The following PRORP variants were observed in gnomAD, a reference collection of about 807,000 sequenced individuals.
PRORP encodes the protein mitochondrial ribonuclease P catalytic subunit.
PRORP carries 51 observed loss-of-function variants against 59.4 expected under a neutral mutation model. That is an observed-to-expected ratio of 0.86 (90% CI 0.69 to 1.08). PRORP has a LOEUF of 1.08. PRORP is among the 50% of genes least tolerant of loss of function. The pLI is 0.00. For missense variants in PRORP, 646 were observed against 690.3 expected, an observed-to-expected ratio of 0.94 and a Z score of 0.72; for synonymous variants, 231 against 245.6, an observed-to-expected ratio of 0.94 and a Z score of 0.55.
chr14:35,136,554 A>G (rs568542123), intron 4 of PRORP, among the ~76,000 whole-genome samples: 2 of 144,844 alleles, frequency 1.4e-5, no homozygotes, highest in South Asian at 2.3e-4. Flanking sequence ...TTGTATTTTT[A>G]GTAGAGACGG....
chr14:35,250,502 G>T (rs57856432), intron 5 of PRORP, among the ~76,000 whole-genome samples: 51,798 of 152,036 alleles, frequency 0.34, 10,445 homozygotes, highest in East Asian at 0.69. Context: ...ATCAGAAGCT[G>T]CCAGGGAATG....
Position 35,127,507 on chromosome 14 carries a change from A to C in PRORP, c.1063A>C (p.Ile355Leu), listed in dbSNP as rs747397398. Residue 355 changes from isoleucine (I) to leucine (L), a missense_variant, in exon 4 of 8, where the codon ATA becomes CTA. Ile to Leu is a conservative substitution (Grantham distance 5, BLOSUM62 2). Transcript: ENST00000534898. ...CCAGTGTTCGGGCTGTGGAAAAACCATAGAGTCTATTCAGCTGAGTCCAGA... is the reference window on the plus strand; with the variant it reads ...CCAGTGTTCGGGCTGTGGAAAAACCCTAGAGTCTATTCAGCTGAGTCCAGA... Reference protein sequence around the residue: ...SGQCSGCGKTIESIQLSPEEY... With the variant: ...SGQCSGCGKTLESIQLSPEEY... 6.2e-7 allele frequency: 1 copy of C among 1,611,870 alleles called. No homozygotes were observed. Among genetic ancestry groups the C allele is most frequent in the South Asian group, 1.1e-5 (1 of 90,822 alleles).
chr14:35,214,400 C>T (rs547761975), intron 5 of PRORP, among the ~76,000 whole-genome samples: 6 of 152,182 alleles, frequency 3.9e-5, no homozygotes, highest in African/African-American at 1.4e-4. Flanking sequence ...TCTCATATTA[C>T]GATTTTGTTT....
At chr14:35,179,001 G>C (rs1402160406) in intron 4 of PRORP, among the ~76,000 whole-genome samples, 1 of 152,130 alleles carries the variant, frequency 6.6e-6, no homozygotes, top group Non-Finnish European at 1.5e-5. Context: ...CACTTATGAA[G>C]CTTAGTTTGG....
intron 5 of PRORP, among the ~76,000 whole-genome samples, chr14:35,259,993 G>T (rs939856435): frequency 7.4e-5 from 6 of 81,304 alleles, no homozygotes; most frequent in East Asian, 4.2e-4. Flanking sequence ...GGTTTTTCGG[G>T]TTTTTTTTTT....
At chr14:35,139,146 A>C (rs1466047939) in intron 4 of PRORP, among the ~76,000 whole-genome samples, 1 of 145,590 alleles carries the variant, frequency 6.9e-6, no homozygotes, top group Non-Finnish European at 1.5e-5. Flanking sequence ...AATTAGAGAT[A>C]GGGTCTCACT....
chr14:35,127,522 C>T lies in PRORP; in HGVS notation c.1078C>T (p.Leu360=). The change falls in exon 4 of 8, where the codon CTG becomes TTG. Residue 360 remains leucine (L), a synonymous_variant. Transcript: ENST00000534898. Reference sequence around the variant, plus strand: ...TGGAAAAACCATAGAGTCTATTCAGCTGAGTCCAGAAGAATATGAATGTCT... The same window carrying T: ...TGGAAAAACCATAGAGTCTATTCAGTTGAGTCCAGAAGAATATGAATGTCT... ...GCGKTIESIQ[L]SPEEYECLKG... is the part of the protein sequence containing the mutation. 6.2e-7 allele frequency: 1 copy of T among 1,613,000 alleles called. No individual in the cohort carries two copies. The highest frequency in any genetic ancestry group is 8.5e-7 in the Non-Finnish European group (1 of 1,179,186).
intron 4 of PRORP, among the ~76,000 whole-genome samples, chr14:35,165,827 C>G (rs1176610219): frequency 6.6e-6 from 1 of 151,974 alleles, no homozygotes; most frequent in Non-Finnish European, 1.5e-5. Flanking sequence ...TTACAGGCAC[C>G]TGCCACTACG....
At chr14:35,157,244 C>T (rs776837794) in intron 4 of PRORP, among the ~76,000 whole-genome samples, 7 of 151,880 alleles carry the variant, frequency 4.6e-5, no homozygotes, top group South Asian at 2.1e-4. Flanking sequence ...CGTGAGCCAC[C>T]GCGCCCGGAC....
chr14:35,266,655 G>T, intron 5 of PRORP, 72 bp from the exon 6 acceptor site: 1 of 1,536,856 alleles, frequency 6.5e-7, no homozygotes, highest in South Asian at 1.2e-5. Context: ...GAGGTGGCCT[G>T]CTGGAAAAAT....
At position 35,199,869 on chromosome 14, in the gene PRORP, T is replaced by C. The variant is rs985196659; in HGVS notation, c.1275+19092T>C. 5.3e-5 allele frequency among the ~76,000 whole-genome samples: 8 copies of C among 152,214 alleles called. No homozygotes were observed. The East Asian group carries it at 1.5e-3, about 29-fold the overall frequency. On this transcript the variant is annotated intron_variant, in intron 5 of 7. Coordinates refer to ENST00000534898, the MANE Select transcript of PRORP (RefSeq NM_014672.4). ...TATGCATGTAAAGTTACAGAATTAATTGAAATGGAAACTTTCCAATTATAA... is the reference window on the plus strand; with the variant it reads ...TATGCATGTAAAGTTACAGAATTAACTGAAATGGAAACTTTCCAATTATAA...
chr14:35,178,005 C>T (rs1278611544), intron 4 of PRORP, among the ~76,000 whole-genome samples: 1 of 152,130 alleles, frequency 6.6e-6, no homozygotes, highest in African/African-American at 2.4e-5. Context: ...ATTATGTACC[C>T]AGTATTCATT....
At chr14:35,210,777 TTTTTTA>T in intron 5 of PRORP, among the ~76,000 whole-genome samples, 1 of 129,964 alleles carries the variant, frequency 7.7e-6, no homozygotes, top group African/African-American at 3.2e-5. Context: ...TTTTTTTTTT[TTTTTTA>T]AGACAAAGTC....
At chr14:35,213,978 A>T (rs2049519804) in intron 5 of PRORP, among the ~76,000 whole-genome samples, 2 of 152,244 alleles carry the variant, frequency 1.3e-5, no homozygotes, top group African/African-American at 4.8e-5. Flanking sequence ...ATATCTGTAA[A>T]GTAATGTGCA....
At position 35,126,642 on chromosome 14, in the gene PRORP, TCTTG is replaced by T. The variant is rs545539472; in HGVS notation, c.987-89_987-86del. On this transcript the variant is annotated intron_variant, in intron 2 of 7. Transcript: ENST00000534898. ...AGAAGTATCTTGAACTTTTCGGACTTCTTGCTTATAAGAGTTTCCAAATACCATG... is the reference window on the plus strand; with the variant it reads ...AGAAGTATCTTGAACTTTTCGGACTTCTTATAAGAGTTTCCAAATACCATG... The T allele has an allele frequency of 6.9e-4, 660 of 961,538 alleles. 8 individuals are homozygous for T. The South Asian group carries it at 9.5e-3, about 14-fold the overall frequency. 59.6% of individuals were successfully genotyped at this position (961,538 alleles called of 1,614,324 possible).
At chr14:35,206,563 C>T (rs1176735730) in intron 5 of PRORP, among the ~76,000 whole-genome samples, 2 of 152,154 alleles carry the variant, frequency 1.3e-5, no homozygotes, top group Non-Finnish European at 2.9e-5. Context: ...CTTTGTAATT[C>T]GAGATGATAG....
intron 5 of PRORP, among the ~76,000 whole-genome samples, chr14:35,186,084 GAC>G (rs1194752065): frequency 6.6e-6 from 1 of 151,716 alleles, no homozygotes; most frequent in African/African-American, 2.4e-5. Context: ...CTGGGCTCAA[GAC>G]ACCCCCCAAC....
intron 3 of PRORP, among the ~76,000 whole-genome samples, chr14:35,127,249 CAA>C (rs928362622): frequency 7.1e-6 from 1 of 141,368 alleles, no homozygotes. Context: ...GACCCTGTCT[CAA>C]AAAAAAAAAA....
intron 4 of PRORP, among the ~76,000 whole-genome samples, chr14:35,155,291 G>A (rs1000153808): frequency 6.6e-6 from 1 of 152,126 alleles, no homozygotes; most frequent in Non-Finnish European, 1.5e-5. Flanking sequence ...ATAGGGGATG[G>A]AATAGATGGA....
Sources: gnomAD v4.1 joint callset for allele counts (sites outside exome capture counted in the v4.1 genomes callset) on GRCh38, gnomAD v4.1.1 for gene constraint, MANE v1.5 for transcripts, NCBI Gene and HGNC (gene_info 2026-07-23, HGNC 2026-07-21) for gene names.